TNFAIP8: variants seen among roughly 807,000 people sequenced by gnomAD.
TNFAIP8 encodes TNF alpha induced protein 8, also known as tumor necrosis factor alpha-induced protein 8.
Under a neutral mutation model 13.3 loss-of-function variants are expected in TNFAIP8, and 7 were observed. That is an observed-to-expected ratio of 0.52 (90% CI 0.30 to 0.99). The LOEUF (loss-of-function observed/expected upper bound fraction) is 0.99, where lower values mean the gene tolerates loss of function less well. TNFAIP8 is among the 50% of genes least tolerant of loss of function. The pLI, the probability that TNFAIP8 is intolerant of heterozygous loss-of-function variation, is 0.07. For missense variants in TNFAIP8, 258 were observed against 236.9 expected, an observed-to-expected ratio of 1.09 and a Z score of -0.58; for synonymous variants, 94 against 87.6, an observed-to-expected ratio of 1.07 and a Z score of -0.41.
intron 1 of TNFAIP8, chr5:119,333,162 C>A: frequency 1.0e-6 from 1 of 972,398 alleles, no homozygotes; most frequent in Non-Finnish European, 1.2e-6. Context: ...CGTTAGACTT[C>A]CTGTTTCTGC....
rs192656827 is a variant in TNFAIP8 at position 119,300,209 on chromosome 5, G to A, written c.1+31302G>A. 5.4e-3 allele frequency among the ~76,000 whole-genome samples: 823 copies of A among 152,332 alleles called. 3 individuals are homozygous for A. Among genetic ancestry groups the A allele is most frequent in the Middle Eastern group, 0.01 (3 of 294 alleles). ...ATCACCTGTCTTCTGTGTCGCTCAC[G>A]CCGGGAGCTGTAGACTGGAGCTGTT... On this transcript the variant is annotated intron_variant, in intron 1 of 1. Coordinates refer to the TNFAIP8 transcript ENST00000274456.
Position 119,397,068 on chromosome 5 carries a change from A to C in TNFAIP8, c.*3687A>C, listed in dbSNP as rs1015660525. ...CAGAAATATTGCGTTTTAAACTCTT[A>C]TATAATAGTATGCCATTCACAATTA... On this transcript the variant is annotated 3_prime_UTR_variant, in exon 2 of 2. Coordinates refer to ENST00000504771, the MANE Select transcript of TNFAIP8 (RefSeq NM_014350.4). 4.0e-5 allele frequency: 6 copies of C among 150,068 alleles called. No homozygotes were observed. The highest frequency in any genetic ancestry group is 9.8e-5 in the African/African-American group (4 of 40,736). The allele number at this position is 150,068 out of a possible 1,614,324, so 9.3% of individuals were successfully genotyped here.
chr5:119,290,918 T>C (rs1581574525), intron 1 of TNFAIP8, among the ~76,000 whole-genome samples: 1 of 151,974 alleles, frequency 6.6e-6, no homozygotes, highest in African/African-American at 2.4e-5. Flanking sequence ...TAGGAAGGGG[T>C]CAGGGCCTGT....
intron 1 of TNFAIP8, among the ~76,000 whole-genome samples, chr5:119,288,016 T>C (rs1483608778): frequency 6.6e-6 from 1 of 152,164 alleles, no homozygotes; most frequent in Non-Finnish European, 1.5e-5. Context: ...GATGTTATCC[T>C]GATAATTTAA....
chr5:119,333,572 T>C (rs772739855), intron 1 of TNFAIP8: 68 of 1,535,476 alleles, frequency 4.4e-5, no homozygotes, highest in South Asian at 2.1e-4. Flanking sequence ...TGTATGACTC[T>C]ACCAAGATAC....
chr5:119,396,337 T>G lies in TNFAIP8; in HGVS notation c.*2956T>G, dbSNP rs929344444. On this transcript the variant is annotated 3_prime_UTR_variant, in exon 2 of 2. Coordinates refer to ENST00000504771, the MANE Select transcript of TNFAIP8 (RefSeq NM_014350.4). ...GTTGTACAAAGACATTTTTCAAAGT[T>G]TTCAACATGACTCCTACTTTGGGGG... The G allele has an allele frequency of 1.3e-5, 2 of 151,516 alleles. No individual in the cohort carries two copies. The highest frequency in any genetic ancestry group is 2.9e-5 in the Non-Finnish European group (2 of 67,842). The allele number at this position is 151,516 out of a possible 1,614,324, so 9.4% of individuals were successfully genotyped here. A position where few individuals can be genotyped will look rare whatever the true frequency, so the allele number is the denominator to read the frequency against.
At chr5:119,349,472 T>C (rs950639028) in intron 1 of TNFAIP8, among the ~76,000 whole-genome samples, 2 of 152,208 alleles carry the variant, frequency 1.3e-5, no homozygotes, top group Non-Finnish European at 2.9e-5. Flanking sequence ...GAAGAAATAA[T>C]GAATAGGAAG....
At chr5:119,276,171 G>A (rs1446791627) in intron 1 of TNFAIP8, among the ~76,000 whole-genome samples, 2 of 150,280 alleles carry the variant, frequency 1.3e-5, no homozygotes, top group Admixed American at 6.6e-5. Flanking sequence ...AGGCTGAAGT[G>A]CAGTGGTGCA....
At position 119,271,533 on chromosome 5, in the gene TNFAIP8, A is replaced by G. The variant is rs553019123; in HGVS notation, c.1+2626A>G. Among the ~76,000 whole-genome samples, 4 of 152,348 alleles carry G rather than the reference A, an allele frequency of 2.6e-5. No homozygotes were observed. The South Asian group carries it at 8.3e-4, about 32-fold the overall frequency. ...GCGTGATAGCAGTTGAAGGGGCTGA[A>G]AATGGGATAACCTCCAGGAGACGGG... is the stretch of plus-strand genomic sequence containing the variant. On this transcript the variant is annotated intron_variant, in intron 1 of 1. Transcript: ENST00000274456.
intron 1 of TNFAIP8, among the ~76,000 whole-genome samples, chr5:119,270,973 A>G (rs146912997): frequency 1.3e-5 from 2 of 152,328 alleles, no homozygotes; most frequent in Non-Finnish European, 2.9e-5. Context: ...CTCACCAAGA[A>G]AAGTTGGTGT....
chr5:119,307,087 T>C (rs761995884), intron 1 of TNFAIP8, among the ~76,000 whole-genome samples: 11 of 152,214 alleles, frequency 7.2e-5, no homozygotes, highest in Admixed American at 2.6e-4. Flanking sequence ...AGAAAATTAC[T>C]CTTTGGGACT....
chr5:119,341,912 G>A (rs1750751005), intron 1 of TNFAIP8, among the ~76,000 whole-genome samples: 1 of 152,202 alleles, frequency 6.6e-6, no homozygotes, highest in African/African-American at 2.4e-5. Context: ...CTTGGTCTTA[G>A]GCAGGCATGG....
intron 1 of TNFAIP8, among the ~76,000 whole-genome samples, chr5:119,349,660 A>T (rs924955766): frequency 6.6e-5 from 10 of 152,134 alleles, no homozygotes; most frequent in African/African-American, 1.9e-4. Flanking sequence ...CTTTTGATTT[A>T]AAAAAAAGAT....
At chr5:119,339,865 A>G (rs554885916) in intron 1 of TNFAIP8, among the ~76,000 whole-genome samples, 1 of 152,308 alleles carries the variant, frequency 6.6e-6, no homozygotes, top group South Asian at 2.1e-4. Context: ...GACCTTAATC[A>G]CCATATTTGA....
At chr5:119,375,836 G>A (rs536948945) in intron 1 of TNFAIP8, among the ~76,000 whole-genome samples, 14 of 151,794 alleles carry the variant, frequency 9.2e-5, no homozygotes, top group African/African-American at 3.1e-4. Flanking sequence ...TTTTTCTTTC[G>A]TAGCAAACTA....
intron 1 of TNFAIP8, among the ~76,000 whole-genome samples, chr5:119,340,366 G>C (rs1055862061): frequency 2.5e-4 from 38 of 152,190 alleles, no homozygotes; most frequent in Non-Finnish European, 5.1e-4. Context: ...TTCGATTCAG[G>C]AACATTGGGC....
At position 119,393,307 on chromosome 5, in the gene TNFAIP8, T is replaced by C. The variant is rs2112872059; in HGVS notation, c.523T>C (p.Phe175Leu). The change falls in exon 2 of 2, where the codon TTT becomes CTT. Residue 175 changes from phenylalanine to leucine, a missense_variant. Physicochemically the swap from Phe to Leu is conservative, Grantham distance 22. Coordinates refer to ENST00000504771, the MANE Select transcript of TNFAIP8 (RefSeq NM_014350.4). The part of the protein sequence containing the change: ...CEFLAALYNP[F>L]GNFKPHLQKL... ...ATTTTTGGCTGCCTTGTATAATCCT[T>C]TTGGGAATTTTAAACCCCACTTACA... is the stretch of plus-strand genomic sequence containing the variant. The C allele has an allele frequency of 6.2e-7, 1 of 1,614,010 alleles. No homozygotes were observed. The highest frequency in any genetic ancestry group is 2.2e-5 in the East Asian group (1 of 44,892).
intron 1 of TNFAIP8, among the ~76,000 whole-genome samples, chr5:119,276,639 T>C (rs1748458859): frequency 6.6e-6 from 1 of 152,210 alleles, no homozygotes; most frequent in African/African-American, 2.4e-5. Flanking sequence ...GCCACATTTC[T>C]GCTGTATTCT....
intron 1 of TNFAIP8, among the ~76,000 whole-genome samples, chr5:119,335,426 C>T (rs1298092053): frequency 1.3e-5 from 2 of 151,992 alleles, no homozygotes; most frequent in African/African-American, 4.8e-5. Flanking sequence ...ATGGAGCGAG[C>T]AGGAAGCAGT....
Sources: allele counts gnomAD v4.1 joint callset (sites outside exome capture counted in the v4.1 genomes callset), GRCh38; gene constraint gnomAD v4.1.1; transcripts MANE v1.5; gene names NCBI Gene and HGNC (gene_info 2026-07-23, HGNC 2026-07-21).